PPARGC1B: variants seen among roughly 807,000 people sequenced by gnomAD.
PPARGC1B encodes the protein peroxisome proliferator-activated receptor gamma coactivator 1-beta.
In PPARGC1B, 34 loss-of-function variants were observed where a neutral mutation model predicts 101.6. The ratio of observed to expected loss-of-function variants is 0.33; its 90% confidence interval spans 0.25 to 0.45. The LOEUF is 0.45. Ranked by LOEUF, PPARGC1B falls within the 20% of genes least tolerant of loss-of-function variation. The pLI is 1.00. For missense variants in PPARGC1B, 1,234 were observed against 1,317.6 expected (o/e 0.94, Z 0.98); for synonymous variants, 548 against 539.3 (o/e 1.02, Z -0.22).
chr5:149,762,046 C>T (rs911878920), intron 1 of PPARGC1B, among the ~76,000 whole-genome samples: 3 of 152,096 alleles, frequency 2.0e-5, no homozygotes, highest in Non-Finnish European at 4.4e-5. Context: ...CTGGCCAGAC[C>T]CTGGTTCTTC....
chr5:149,736,128 T>C (rs930099081), intron 1 of PPARGC1B, among the ~76,000 whole-genome samples: 5 of 151,964 alleles, frequency 3.3e-5, no homozygotes, highest in Admixed American at 3.3e-4. Context: ...GGCAACAGAG[T>C]GAGACTCCAT....
Position 149,836,563 on chromosome 5 carries a change from T to A in PPARGC1B, c.2108T>A (p.Val703Asp), listed in dbSNP as rs1330391048. Residue 703 changes from valine (V) to aspartate (D), a missense_variant, in exon 8 of 12, where the codon GTC (valine) becomes GAC (aspartate). Around this residue, in one of 3 missense-constraint regions of PPARGC1B, gnomAD observed 497 missense variants for 529.5 expected, o/e 0.94. Transcript: ENST00000309241. The part of the protein sequence containing the change: ...DYCQVLRPEG[V>D]LQRKVLRSWE... Reference sequence around the variant, plus strand: ...TGCCAGGTGCTCCGACCAGAAGGCGTCCTGCAAAGGAAGGTGCTGAGGTCC... The same window carrying A: ...TGCCAGGTGCTCCGACCAGAAGGCGACCTGCAAAGGAAGGTGCTGAGGTCC... 6.2e-7 allele frequency: 1 copy of A among 1,613,786 alleles called. No homozygotes were observed. The highest frequency in any genetic ancestry group is 8.5e-7 in the Non-Finnish European group (1 of 1,180,046).
intron 2 of PPARGC1B, 31 bp from the exon 3 acceptor site, chr5:149,826,642 C>T (rs751237194): frequency 6.4e-7 from 1 of 1,568,106 alleles, no homozygotes; most frequent in Non-Finnish European, 8.8e-7. Context: ...CCCCATCTGC[C>T]TTTCTGACCC....
At position 149,833,574 on chromosome 5, in the gene PPARGC1B, G is replaced by T; in HGVS notation, c.1501G>T (p.Glu501Ter). ...TGCAGATGAGCCGCTGGTCCCCTCG[G>T]AGCCCCAAGGTGCTCTGCCCTCACT... ...TFADEPLVPS[E>*]PQGALPSLCL... Residue 501 changes from glutamate (E) to a stop codon, truncating the protein, a stop_gained, in exon 5 of 12, where the codon GAG becomes TAG. Transcript: ENST00000309241. LOFTEE classifies it high-confidence loss of function. This position sits in a 1 kb window ranked among gnomAD's most constrained non-coding sequence, Gnocchi z 4.1. The T allele has an allele frequency of 6.3e-7, 1 of 1,596,608 alleles. No individual in the cohort carries two copies. The highest frequency in any genetic ancestry group is 2.3e-5 in the East Asian group (1 of 43,750).
chr5:149,830,765 A>G lies in PPARGC1B; in HGVS notation c.466-2A>G, dbSNP rs556904176. On this transcript the variant is annotated splice_acceptor_variant, in intron 3 of 11. Coordinates refer to ENST00000309241, the MANE Select transcript of PPARGC1B (RefSeq NM_133263.4). LOFTEE classifies it high-confidence loss of function. Reference sequence around the variant, plus strand: ...CTCCTGTCCTCTCTGCTTTTCCCTCAGCTGCAGAAGCTCCTCCTGGCCACA... The same window carrying G: ...CTCCTGTCCTCTCTGCTTTTCCCTCGGCTGCAGAAGCTCCTCCTGGCCACA... The G allele has an allele frequency of 2.5e-6, 4 of 1,611,650 alleles. No individual in the cohort carries two copies. The South Asian group carries it at 3.3e-5, about 13-fold the overall frequency.
chr5:149,851,913 C>T lies in PPARGC1B; in HGVS notation c.*4355C>T, dbSNP rs1028239901. 13 of 152,196 alleles carry T rather than the reference C, an allele frequency of 8.5e-5. No homozygotes were observed. Among genetic ancestry groups the T allele is most frequent in the African/African-American group, 3.1e-4 (13 of 41,442 alleles). The allele number at this position is 152,196 out of a possible 1,614,324, so 9.4% of individuals were successfully genotyped here. A position where few individuals can be genotyped will look rare whatever the true frequency, so the allele number is the denominator to read the frequency against. ...AACAATAAAAGCACTTTGAGAAAAC[C>T]CCAACACTTCAGCCTGGGTCCGTGT... On this transcript the variant is annotated 3_prime_UTR_variant, in exon 12 of 12. Coordinates refer to ENST00000309241, the MANE Select transcript of PPARGC1B (RefSeq NM_133263.4).
chr5:149,833,405 A>C lies in PPARGC1B; in HGVS notation c.1332A>C (p.Glu444Asp). ...AAGAGGAGGAGGAAGAGGAAGAAGA[A>C]AAAGAGGAGGAGGAGGAGTGGGGCA... The part of the protein sequence containing the change: ...EEEEEEEEEE[E>D]KEEEEEWGRK... The change falls in exon 5 of 12, where the codon GAA (glutamate) becomes GAC (aspartate). Residue 444 changes from glutamate (E) to aspartate (D), a missense_variant. Transcript: ENST00000309241. This position sits in a 1 kb window ranked among gnomAD's most constrained non-coding sequence, Gnocchi z 4.1. 1 of 1,605,986 alleles carries C rather than the reference A, an allele frequency of 6.2e-7. No individual in the cohort carries two copies. The highest frequency in any genetic ancestry group is 1.1e-5 in the South Asian group (1 of 90,308).
At chr5:149,834,254 T>C (rs921861821) in intron 5 of PPARGC1B, among the ~76,000 whole-genome samples, 2 of 152,250 alleles carry the variant, frequency 1.3e-5, no homozygotes, top group Non-Finnish European at 2.9e-5. Flanking sequence ...ATTGTCCCTA[T>C]TGAGTCCTCA....
intron 1 of PPARGC1B, chr5:149,772,052 G>T (rs1756151997): frequency 3.9e-6 from 6 of 1,541,168 alleles, no homozygotes; most frequent in Non-Finnish European, 5.2e-6. Flanking sequence ...GTGCCAGGCT[G>T]TGCACAGGTG....
intron 5 of PPARGC1B, among the ~76,000 whole-genome samples, chr5:149,834,012 G>T (rs1421642541): frequency 6.6e-6 from 1 of 152,252 alleles, no homozygotes; most frequent in African/African-American, 2.4e-5. Flanking sequence ...TGGGCAAGGT[G>T]CCACTTAATG....
intron 1 of PPARGC1B, among the ~76,000 whole-genome samples, chr5:149,796,462 C>T (rs573773264): frequency 2.0e-5 from 3 of 152,170 alleles, no homozygotes; most frequent in South Asian, 2.1e-4. Context: ...GCAATAGGAG[C>T]GTCTTTGGAG....
chr5:149,742,317 G>T (rs1011579148), intron 1 of PPARGC1B, among the ~76,000 whole-genome samples: 1 of 152,168 alleles, frequency 6.6e-6, no homozygotes, highest in Non-Finnish European at 1.5e-5. Flanking sequence ...ACACTGCAAG[G>T]CTCAGCTCAA....
In PPARGC1B at chr5:149,730,331, C is replaced by T. The variant is rs768071117; in HGVS notation, c.-12C>T. 1.3e-6 allele frequency: 2 copies of T among 1,552,292 alleles called. No individual in the cohort carries two copies. The highest frequency in any genetic ancestry group is 1.7e-6 in the Non-Finnish European group (2 of 1,151,616). ...CGTTGACTCCGCCGCACGCTGCAGC[C>T]GCGGCTGGAAGATGGCGGGGAACGA... On this transcript the variant is annotated 5_prime_UTR_variant, in exon 1 of 12. Transcript: ENST00000309241. This position sits in a 1 kb window ranked among gnomAD's most constrained non-coding sequence, Gnocchi z 4.0.
chr5:149,845,709 G>A (rs755195911), intron 10 of PPARGC1B, 51 bp from the exon 11 acceptor site: 17 of 1,545,382 alleles, frequency 1.1e-5, no homozygotes, highest in African/African-American at 1.4e-5. Flanking sequence ...TGGTCTCACA[G>A]TGTCCACCCA....
downstream of PPARGC1B, among the ~76,000 whole-genome samples, chr5:149,855,807 C>T (rs150707663): frequency 6.6e-6 from 1 of 152,222 alleles, no homozygotes; most frequent in African/African-American, 2.4e-5. Context: ...GAAACACTGG[C>T]AAAGAGAATT....
intron 1 of PPARGC1B, among the ~76,000 whole-genome samples, chr5:149,789,059 C>T (rs1297802392): frequency 6.6e-6 from 1 of 152,040 alleles, no homozygotes; most frequent in Non-Finnish European, 1.5e-5. Context: ...GCACATGTAC[C>T]CTAGAAAGAA....
intron 1 of PPARGC1B, among the ~76,000 whole-genome samples, chr5:149,818,650 G>A (rs1758150380): frequency 6.6e-6 from 1 of 152,182 alleles, no homozygotes; most frequent in Non-Finnish European, 1.5e-5. Context: ...GGAAAGGTCT[G>A]GGGAAAACCT....
intron 11 of PPARGC1B, chr5:149,846,723 TGCC>T (rs1759576316): frequency 6.5e-6 from 1 of 153,790 alleles, no homozygotes; most frequent in Non-Finnish European, 1.4e-5. Context: ...CCCGGCTGGG[TGCC>T]AGGCCAGGCG....
At chr5:149,809,852 C>T (rs1386855985) in intron 1 of PPARGC1B, among the ~76,000 whole-genome samples, 2 of 151,852 alleles carry the variant, frequency 1.3e-5, no homozygotes, top group African/African-American at 2.4e-5. Context: ...GACGGGATGG[C>T]CATTTGGGGT....
Sources: allele counts gnomAD v4.1 joint callset (sites outside exome capture counted in the v4.1 genomes callset), GRCh38; gene constraint gnomAD v4.1.1; regional missense constraint gnomAD v4.1.1; non-coding constraint Gnocchi (gnomAD v3.1); transcripts MANE v1.5; gene names NCBI Gene and HGNC (gene_info 2026-07-23, HGNC 2026-07-21).